Variants in HSPA12A observed in about 807,000 individuals in gnomAD.
HSPA12A encodes the protein heat shock 70 kDa protein 12A.
Under a neutral mutation model 69.2 loss-of-function variants are expected in HSPA12A, and 28 were observed. The ratio of observed to expected loss-of-function variants is 0.40; its 90% CI spans 0.30 to 0.55. The LOEUF (loss-of-function observed/expected upper bound fraction) is 0.55. HSPA12A is among the 20% of genes least tolerant of loss of function. The probability of loss-of-function intolerance (pLI) is 0.38; values close to 1 mark genes in which losing one functional copy is unlikely to be tolerated. For missense variants in HSPA12A, 686 were observed against 900.7 expected (o/e 0.76, Z 3.05); for synonymous variants, 345 against 370.5 (o/e 0.93, Z 0.79).
intron 1 of HSPA12A, among the ~76,000 whole-genome samples, chr10:116,732,058 T>C (rs1851167781): frequency 6.6e-6 from 1 of 151,422 alleles, no homozygotes; most frequent in African/African-American, 2.4e-5. Flanking sequence ...GGGCCAGGGG[T>C]GGTGGCTCAT....
At chr10:116,730,089 A>G (rs1379846458) in intron 1 of HSPA12A, among the ~76,000 whole-genome samples, 2 of 152,238 alleles carry the variant, frequency 1.3e-5, no homozygotes, top group Non-Finnish European at 2.9e-5. Context: ...AGGGTGAGGC[A>G]GAAGAATCGC....
At chr10:116,809,297 G>C (rs1845129371) in intron 2 of HSPA12A, among the ~76,000 whole-genome samples, 1 of 152,088 alleles carries the variant, frequency 6.6e-6, no homozygotes, top group African/African-American at 2.4e-5. Flanking sequence ...TCTGGTGATG[G>C]GGCTCCATTA....
At chr10:116,766,258 A>G (rs1245950128) in intron 2 of HSPA12A, among the ~76,000 whole-genome samples, 2 of 152,134 alleles carry the variant, frequency 1.3e-5, no homozygotes, top group Admixed American at 6.5e-5. Context: ...AGGATGACCA[A>G]TTCATCCCGG....
intron 1 of HSPA12A, among the ~76,000 whole-genome samples, chr10:116,727,158 A>T (rs1554885135): frequency 3.3e-5 from 5 of 152,238 alleles, no homozygotes; most frequent in African/African-American, 1.2e-4. Context: ...AAATATTTCT[A>T]ACTCCAAAAT....
intron 1 of HSPA12A, among the ~76,000 whole-genome samples, chr10:116,727,439 C>A (rs1294574444): frequency 2.0e-5 from 3 of 152,206 alleles, no homozygotes; most frequent in Non-Finnish European, 4.4e-5. Context: ...TTTCAAGCCT[C>A]TGCTGGCTTC....
intron 6 of HSPA12A, among the ~76,000 whole-genome samples, chr10:116,685,885 C>T (rs1382472844): frequency 6.6e-6 from 1 of 152,178 alleles, no homozygotes; most frequent in Non-Finnish European, 1.5e-5. Context: ...CTTTATAAAA[C>T]CAGATAAGAA....
At chr10:116,839,453 T>C (rs1442614631) in intron 1 of HSPA12A, among the ~76,000 whole-genome samples, 3 of 152,050 alleles carry the variant, frequency 2.0e-5, no homozygotes, top group Non-Finnish European at 4.4e-5. Flanking sequence ...ATACCCTTGT[T>C]TTTCTCAGTT....
intron 5 of HSPA12A, among the ~76,000 whole-genome samples, chr10:116,695,992 G>C (rs1849886071): frequency 2.1e-5 from 1 of 46,650 alleles, no homozygotes; most frequent in Admixed American, 2.5e-4. Flanking sequence ...AACAGAGAGA[G>C]ACTCCATCTC....
chr10:116,771,306 G>A (rs543781866), intron 2 of HSPA12A, among the ~76,000 whole-genome samples: 9 of 152,364 alleles, frequency 5.9e-5, no homozygotes, highest in Non-Finnish European at 1.2e-4. Flanking sequence ...ATCAGCAGCC[G>A]CTGGCTGTGG....
At chr10:116,839,298 T>C (rs933363221) in intron 1 of HSPA12A, among the ~76,000 whole-genome samples, 3 of 152,320 alleles carry the variant, frequency 2.0e-5, no homozygotes, top group Non-Finnish European at 2.9e-5. Flanking sequence ...CAGACATTAC[T>C]GAAGCTGCAT....
intron 7 of HSPA12A, among the ~76,000 whole-genome samples, chr10:116,682,458 G>GGGT (rs1190162776): frequency 1.1e-4 from 17 of 151,484 alleles, no homozygotes; most frequent in African/African-American, 3.9e-4. Context: ...AATAGACTGG[G>GGGT]GGGGGGGGCC....
chr10:116,703,105 C>T (rs1589643670), intron 3 of HSPA12A, among the ~76,000 whole-genome samples: 2 of 152,196 alleles, frequency 1.3e-5, no homozygotes, highest in Admixed American at 6.5e-5. Flanking sequence ...CACAGACCCT[C>T]ACAGCATCTG....
intron 2 of HSPA12A, among the ~76,000 whole-genome samples, chr10:116,813,150 G>T (rs1845227854): frequency 6.6e-6 from 1 of 151,974 alleles, no homozygotes; most frequent in South Asian, 2.1e-4. Flanking sequence ...CCTTTGGACG[G>T]GGTAAGCCAA....
At chr10:116,760,008 T>C (rs1843934800) in intron 2 of HSPA12A, among the ~76,000 whole-genome samples, 1 of 152,160 alleles carries the variant, frequency 6.6e-6, no homozygotes, top group South Asian at 2.1e-4. Context: ...TAAACCTCCT[T>C]CTTTTGTAAA....
At chr10:116,804,548 C>A (rs543771911) in intron 2 of HSPA12A, among the ~76,000 whole-genome samples, 1 of 152,128 alleles carries the variant, frequency 6.6e-6, no homozygotes, top group Non-Finnish European at 1.5e-5. Flanking sequence ...CCCCAGCCCC[C>A]AGCCCCAGCC....
chr10:116,847,548 C>A (rs1845913669), intron 1 of HSPA12A, among the ~76,000 whole-genome samples: 1 of 152,186 alleles, frequency 6.6e-6, no homozygotes. Flanking sequence ...TCTCATTATT[C>A]CTGAAAAGAA....
At chr10:116,676,980 C>T (rs1374816291) in intron 10 of HSPA12A, among the ~76,000 whole-genome samples, 1 of 152,156 alleles carries the variant, frequency 6.6e-6, no homozygotes, top group Non-Finnish European at 1.5e-5. Context: ...GTGGCCCTCA[C>T]GGTCTCTGTC....
Position 116,674,740 on chromosome 10 carries a change from G to A in HSPA12A, c.*41C>T. 1 of 1,569,630 alleles carries A rather than the reference G, an allele frequency of 6.4e-7. No homozygotes were observed. Among genetic ancestry groups the A allele is most frequent in the East Asian group, 2.3e-5 (1 of 44,436 alleles). On this transcript the variant is annotated 3_prime_UTR_variant, in exon 12 of 12. Transcript: ENST00000369209. ...GTCAAGGTTGAGGTCAGCAGATGCA[G>A]ATAAGTTGAGTCCAAGGGGACAGGC...
intron 2 of HSPA12A, among the ~76,000 whole-genome samples, chr10:116,807,977 G>A (rs1637555): frequency 0.97 from 147,488 of 152,288 alleles, 71,592 homozygotes; most frequent in East Asian, 1. Flanking sequence ...TGTCCTGCCT[G>A]CTACAGTCTA....
Sources: allele counts gnomAD v4.1 joint callset (sites outside exome capture counted in the v4.1 genomes callset), GRCh38; gene constraint gnomAD v4.1.1; transcripts MANE v1.5; gene names NCBI Gene and HGNC (gene_info 2026-07-23, HGNC 2026-07-21).